XPR1: variants seen among roughly 807,000 people sequenced by gnomAD.
XPR1 encodes the protein xenotropic and polytropic retrovirus receptor 1.
In XPR1, 28 loss-of-function variants were observed where a neutral mutation model predicts 87.5. The observed-to-expected ratio is 0.32, with a 90% CI of 0.24 to 0.44. The LOEUF (loss-of-function observed/expected upper bound fraction) is 0.44. Among genes scored for constraint, XPR1 ranks in the 20% least tolerant of loss-of-function variants. XPR1 has a pLI of 1.00. For missense variants in XPR1, 559 were observed against 862.3 expected (o/e 0.65, Z 4.41); for synonymous variants, 300 against 306.1 (o/e 0.98, Z 0.21).
chr1:180,775,498 C>T (rs1413167932), intron 2 of XPR1, among the ~76,000 whole-genome samples: 1 of 152,122 alleles, frequency 6.6e-6, no homozygotes, highest in Non-Finnish European at 1.5e-5. Flanking sequence ...GGATTATCCT[C>T]AGATATCTTT....
At chr1:180,823,030 AG>A (rs1296577018) in intron 7 of XPR1, among the ~76,000 whole-genome samples, 4 of 152,206 alleles carry the variant, frequency 2.6e-5, no homozygotes, top group Admixed American at 1.3e-4. Flanking sequence ...ACCTGAGGTC[AG>A]GAGTTCCAGA....
intron 2 of XPR1, among the ~76,000 whole-genome samples, chr1:180,749,969 A>G (rs1036885865): frequency 1.3e-5 from 2 of 152,220 alleles, no homozygotes; most frequent in Admixed American, 1.3e-4. Flanking sequence ...ATGCTGGGTC[A>G]GATCTAAAAA....
At chr1:180,846,306 A>C (rs112176647) in intron 11 of XPR1, among the ~76,000 whole-genome samples, 2,153 of 152,142 alleles carry the variant, frequency 0.014, 40 homozygotes, top group African/African-American at 0.049. Flanking sequence ...TAATTTGTTA[A>C]AGCTGGCTAG....
intron 3 of XPR1, among the ~76,000 whole-genome samples, chr1:180,789,945 G>T (rs1416206380): frequency 6.6e-6 from 1 of 151,866 alleles, no homozygotes; most frequent in Non-Finnish European, 1.5e-5. Flanking sequence ...GCTTCCTGTG[G>T]GTCCTAATCA....
intron 11 of XPR1, among the ~76,000 whole-genome samples, chr1:180,860,728 A>G (rs1652190986): frequency 6.6e-6 from 1 of 151,770 alleles, no homozygotes; most frequent in Non-Finnish European, 1.5e-5. Flanking sequence ...CTTTGGAGTT[A>G]TGGAGATGGT....
chr1:180,719,085 C>T (rs1196070328), intron 2 of XPR1, among the ~76,000 whole-genome samples: 2 of 152,126 alleles, frequency 1.3e-5, no homozygotes, highest in East Asian at 1.9e-4. Context: ...TCAATGGTAA[C>T]GCTTTGTTTT....
chr1:180,885,223 A>C lies in XPR1; in HGVS notation c.*1157A>C, dbSNP rs1378531726. On this transcript the variant is annotated 3_prime_UTR_variant, in exon 15 of 15. Transcript: ENST00000367590. ...AATTTGATCAAATTAAAAGTCTGTCATGGGGAAACTATATTTTTGAGCACA... is the reference window on the plus strand; with the variant it reads ...AATTTGATCAAATTAAAAGTCTGTCCTGGGGAAACTATATTTTTGAGCACA... 6.6e-6 allele frequency: 1 copy of C among 152,650 alleles called. No individual in the cohort carries two copies. Among genetic ancestry groups the C allele is most frequent in the Non-Finnish European group, 1.5e-5 (1 of 68,038 alleles). The allele number at this position is 152,650 out of a possible 1,614,324, so 9.5% of individuals were successfully genotyped here.
intron 2 of XPR1, among the ~76,000 whole-genome samples, chr1:180,685,380 T>C (rs141701688): frequency 0.043 from 6,556 of 152,236 alleles, 506 homozygotes; most frequent in African/African-American, 0.15. Flanking sequence ...CTGCTGGATT[T>C]GGTTTGTCAG....
At chr1:180,820,769 G>A (rs764528537) in intron 7 of XPR1, among the ~76,000 whole-genome samples, 19 of 152,124 alleles carry the variant, frequency 1.2e-4, no homozygotes, top group Admixed American at 5.9e-4. Flanking sequence ...ACAAATGGGC[G>A]TGAAGTGGTA....
intron 1 of XPR1, among the ~76,000 whole-genome samples, chr1:180,637,084 G>A (rs868327182): frequency 6.8e-6 from 1 of 146,240 alleles, no homozygotes; most frequent in Middle Eastern, 3.5e-3. Flanking sequence ...AAAAGTAAGG[G>A]AAGACAGAAC....
rs756453181 is a variant in XPR1 at position 180,859,236 on chromosome 1, CCTTTTTT to C, written c.1502-4464_1502-4458del. Among the ~76,000 whole-genome samples the C allele has an allele frequency of 5.3e-4, 80 of 152,194 alleles. 1 individual carries two copies. Among genetic ancestry groups the C allele is most frequent in the Non-Finnish European group, 8.2e-4 (56 of 67,970 alleles). On this transcript the variant is annotated intron_variant, in intron 11 of 14. Transcript: ENST00000367590. ...GTCCCTTTAGTATTTTAGTCCTTTT[CCTTTTTT>C]CTTTTTTAATCATTCACACAATGGC...
chr1:180,688,297 C>G (rs1656859754), intron 2 of XPR1, among the ~76,000 whole-genome samples: 1 of 151,270 alleles, frequency 6.6e-6, no homozygotes, highest in South Asian at 2.1e-4. Context: ...CCATGTTGGC[C>G]AGGCTGGTCT....
chr1:180,736,320 G>T (rs1270424348), intron 2 of XPR1, among the ~76,000 whole-genome samples: 1 of 152,204 alleles, frequency 6.6e-6, no homozygotes, highest in East Asian at 1.9e-4. Flanking sequence ...CCTCATTTTT[G>T]CAGGAACCTG....
chr1:180,692,281 G>C (rs531601490), intron 2 of XPR1, among the ~76,000 whole-genome samples: 1 of 152,056 alleles, frequency 6.6e-6, no homozygotes, highest in South Asian at 2.1e-4. Flanking sequence ...CTAGTAGTGA[G>C]GTTAACCCCA....
At chr1:180,758,930 T>C (rs1281887794) in intron 2 of XPR1, 3 of 152,428 alleles carry the variant, frequency 2.0e-5, no homozygotes, top group African/African-American at 7.2e-5. Flanking sequence ...CAGACCACAG[T>C]GCAATCAAAC....
At position 180,841,558 on chromosome 1, in the gene XPR1, C is replaced by T. The variant is rs544588587; in HGVS notation, c.1501+4842C>T. Among the ~76,000 whole-genome samples the T allele has an allele frequency of 2.6e-5, 4 of 152,252 alleles. No individual in the cohort carries two copies. The East Asian group carries it at 5.8e-4, about 22-fold the overall frequency. ...ATATTTTCTTTGCTGACTAGAGCTG[C>T]TATATGTGTGTCTTCCTTTACAGCC... On this transcript the variant is annotated intron_variant, in intron 11 of 14. Coordinates refer to ENST00000367590, the MANE Select transcript of XPR1 (RefSeq NM_004736.4).
rs1653087836 is a variant in XPR1, at chr1:180,888,504, A to C, written c.*4438A>C. On this transcript the variant is annotated 3_prime_UTR_variant, in exon 15 of 15. Coordinates refer to ENST00000367590, the MANE Select transcript of XPR1 (RefSeq NM_004736.4). Reference sequence around the variant, plus strand: ...TCACCACACTTTTCTCAAATCTAATAGGAATTCAGTGTCATTACAGATACG... The same window carrying C: ...TCACCACACTTTTCTCAAATCTAATCGGAATTCAGTGTCATTACAGATACG... 6.6e-6 allele frequency: 1 copy of C among 151,942 alleles called. No individual in the cohort carries two copies. The highest frequency in any genetic ancestry group is 2.4e-5 in the African/African-American group (1 of 41,370). The allele number at this position is 151,942 out of a possible 1,614,324, so 9.4% of individuals were successfully genotyped here. A position where few individuals can be genotyped will look rare whatever the true frequency, so the allele number is the denominator to read the frequency against.
chr1:180,675,528 TC>T (rs1656339636), intron 1 of XPR1, among the ~76,000 whole-genome samples: 1 of 152,210 alleles, frequency 6.6e-6, no homozygotes, highest in Admixed American at 6.5e-5. Flanking sequence ...GTTTTTATTT[TC>T]CTTTCACAAT....
At chr1:180,716,254 G>GT (rs1015863639) in intron 2 of XPR1, among the ~76,000 whole-genome samples, 76 of 148,994 alleles carry the variant, frequency 5.1e-4, no homozygotes, top group African/African-American at 1.3e-3. Flanking sequence ...TGCCTGGCTA[G>GT]TTTTTTTTTT....
Sources: allele counts gnomAD v4.1 joint callset (sites outside exome capture counted in the v4.1 genomes callset), GRCh38; gene constraint gnomAD v4.1.1; transcripts MANE v1.5; gene names NCBI Gene and HGNC (gene_info 2026-07-23, HGNC 2026-07-21).